The following AUTS2 variants were observed in gnomAD, a reference collection of about 807,000 sequenced individuals.
AUTS2 encodes activator of transcription and developmental regulator AUTS2, also known as autism susceptibility gene 2 protein.
A neutral mutation model predicts 112.4 loss-of-function variants in AUTS2; 17 were observed. The ratio of observed to expected loss-of-function variants is 0.15; its 90% CI spans 0.10 to 0.23. AUTS2 has a LOEUF of 0.23. AUTS2 is among the 10% of genes least tolerant of loss of function. The probability of loss-of-function intolerance (pLI) is 1.00; values close to 1 mark genes in which losing one functional copy is unlikely to be tolerated. For synonymous variants in AUTS2, 751 were observed against 702.7 expected, an observed-to-expected ratio of 1.07 and a Z score of -1.09; for missense variants, 1,510 against 1,701.6, an observed-to-expected ratio of 0.89 and a Z score of 1.98.
intron 2 of AUTS2, among the ~76,000 whole-genome samples, chr7:70,111,144 A>G (rs529741835): frequency 2.6e-5 from 4 of 151,836 alleles, no homozygotes; most frequent in Admixed American, 6.6e-5. Flanking sequence ...CTCCCAAAGT[A>G]CTGGGATTAT....
rs555446337 is a variant in AUTS2, at chr7:70,689,045, G to A, written c.691-9524G>A. 2.6e-5 allele frequency among the ~76,000 whole-genome samples: 4 copies of A among 152,010 alleles called. No individual in the cohort carries two copies. The South Asian group carries it at 6.2e-4, about 24-fold the overall frequency. ...ATAACATTTTGCTGGATTCAGGGTC[G>A]ACTTTATAATCTACCAAGAATATCC... On this transcript the variant is annotated intron_variant, in intron 5 of 18. Coordinates refer to ENST00000342771, the MANE Select transcript of AUTS2 (RefSeq NM_015570.4).
chr7:69,990,180 T>A (rs1463931368), intron 2 of AUTS2, among the ~76,000 whole-genome samples: 1 of 152,228 alleles, frequency 6.6e-6, no homozygotes, highest in Non-Finnish European at 1.5e-5. Flanking sequence ...GGGTTACTAA[T>A]GTATATTTCA....
chr7:69,757,808 G>A (rs1425244347), intron 1 of AUTS2, among the ~76,000 whole-genome samples: 4 of 152,146 alleles, frequency 2.6e-5, no homozygotes, highest in African/African-American at 9.7e-5. Context: ...ACCCAGGACA[G>A]TGATATTCAT....
chr7:70,006,050 G>C (rs908248684), intron 2 of AUTS2, among the ~76,000 whole-genome samples: 6 of 152,170 alleles, frequency 3.9e-5, no homozygotes, highest in African/African-American at 1.4e-4. Context: ...AGTGCAGCAA[G>C]AAAGCACGGC....
chr7:69,879,842 C>G (rs978880474), intron 1 of AUTS2, among the ~76,000 whole-genome samples: 12 of 152,146 alleles, frequency 7.9e-5, no homozygotes, highest in Non-Finnish European at 2.9e-5. Flanking sequence ...CCCTGTCACT[C>G]AGGCTGGAGT....
At chr7:70,618,885 G>A (rs942785969) in intron 5 of AUTS2, among the ~76,000 whole-genome samples, 1 of 152,202 alleles carries the variant, frequency 6.6e-6, no homozygotes, top group African/African-American at 2.4e-5. Flanking sequence ...ATTACTGGAG[G>A]GAGAGCAGGG....
chr7:70,344,565 A>G (rs1204051272), intron 4 of AUTS2, among the ~76,000 whole-genome samples: 1 of 152,188 alleles, frequency 6.6e-6, no homozygotes, highest in Non-Finnish European at 1.5e-5. Flanking sequence ...TGGTCTTAAC[A>G]CATTCAGAGA....
intron 2 of AUTS2, among the ~76,000 whole-genome samples, chr7:69,912,992 T>C (rs1795426760): frequency 2.0e-5 from 3 of 151,926 alleles, no homozygotes; most frequent in Admixed American, 6.5e-5. Context: ...TTGAAGCCTC[T>C]TAGTATAGGA....
At chr7:70,115,592 A>C (rs1239188083) in intron 2 of AUTS2, among the ~76,000 whole-genome samples, 1 of 152,232 alleles carries the variant, frequency 6.6e-6, no homozygotes, top group Non-Finnish European at 1.5e-5. Flanking sequence ...ATGCTGCAGA[A>C]TCATTACTTC....
chr7:70,422,571 G>A (rs746328480), intron 4 of AUTS2, among the ~76,000 whole-genome samples: 3 of 152,118 alleles, frequency 2.0e-5, no homozygotes, highest in South Asian at 2.1e-4. Context: ...GAGGTCAGGC[G>A]TTTGAGACCA....
intron 2 of AUTS2, among the ~76,000 whole-genome samples, chr7:69,950,438 GT>G (rs564329613): frequency 6.6e-6 from 1 of 152,022 alleles, no homozygotes; most frequent in Non-Finnish European, 1.5e-5. Flanking sequence ...TTTCAACATA[GT>G]TTTTTTATTT....
At chr7:69,865,360 G>C (rs1218075817) in intron 1 of AUTS2, among the ~76,000 whole-genome samples, 1 of 152,120 alleles carries the variant, frequency 6.6e-6, no homozygotes, top group Non-Finnish European at 1.5e-5. Context: ...TGTGTCCTGA[G>C]TCACTGTTGA....
chr7:70,727,216 T>G (rs766263091), intron 6 of AUTS2, among the ~76,000 whole-genome samples: 2 of 152,216 alleles, frequency 1.3e-5, no homozygotes, highest in Non-Finnish European at 2.9e-5. Flanking sequence ...GGCCAGCGTG[T>G]GGGAACCTGC....
chr7:69,638,078 G>T (rs1794630228), intron 1 of AUTS2, among the ~76,000 whole-genome samples: 1 of 152,182 alleles, frequency 6.6e-6, no homozygotes, highest in Non-Finnish European at 1.5e-5. Flanking sequence ...GAATCCAGTG[G>T]TGCATTCACA....
intron 1 of AUTS2, among the ~76,000 whole-genome samples, chr7:69,824,123 G>A (rs1255499196): frequency 6.6e-6 from 1 of 151,942 alleles, no homozygotes; most frequent in Non-Finnish European, 1.5e-5. Flanking sequence ...CTATTAATAA[G>A]TGTGATACGG....
intron 5 of AUTS2, 82 bp downstream of exon 5, chr7:70,435,863 G>T: frequency 6.9e-7 from 1 of 1,450,794 alleles, no homozygotes; most frequent in African/African-American, 1.4e-5. Context: ...CTGCAGGGTA[G>T]GATGCCAGCT....
chr7:70,056,903 A>G (rs1243419937), intron 2 of AUTS2, among the ~76,000 whole-genome samples: 1 of 152,214 alleles, frequency 6.6e-6, no homozygotes, highest in African/African-American at 2.4e-5. Context: ...GGCTCAATTT[A>G]CAAACCTTTC....
At chr7:70,589,390 A>C (rs777353781) in intron 5 of AUTS2, among the ~76,000 whole-genome samples, 2 of 124,468 alleles carry the variant, frequency 1.6e-5, no homozygotes, top group African/African-American at 2.7e-5. Flanking sequence ...TGTGCACAAA[A>C]CCCCCTGGGA....
intron 2 of AUTS2, among the ~76,000 whole-genome samples, chr7:69,965,980 TAATG>T (rs1170941516): frequency 2.0e-5 from 3 of 152,188 alleles, no homozygotes; most frequent in African/African-American, 7.2e-5. Flanking sequence ...AAGTTTATAA[TAATG>T]GTGACTGACT....
Sources: gnomAD v4.1 joint callset for allele counts (sites outside exome capture counted in the v4.1 genomes callset) on GRCh38, gnomAD v4.1.1 for gene constraint, MANE v1.5 for transcripts, NCBI Gene and HGNC (gene_info 2026-07-23, HGNC 2026-07-21) for gene names.